TTBK1: variants seen among roughly 807,000 people sequenced by gnomAD.
The protein encoded by TTBK1 is tau tubulin kinase 1.
A neutral mutation model predicts 108.5 loss-of-function variants in TTBK1; 34 were observed. The ratio of observed to expected loss-of-function variants is 0.31; its 90% CI spans 0.24 to 0.42. TTBK1 has a LOEUF of 0.42. Among genes scored for constraint, TTBK1 ranks in the 10% least tolerant of loss-of-function variants. The pLI, the probability that TTBK1 is intolerant of heterozygous loss-of-function variation, is 1.00. For missense variants in TTBK1, 1,539 were observed against 1,826.0 expected, an observed-to-expected ratio of 0.84 and a Z score of 2.86; for synonymous variants, 809 against 795.1, an observed-to-expected ratio of 1.02 and a Z score of -0.29.
rs781511979 is a variant in TTBK1, at chr6:43,254,528, C to T, written c.472-19C>T. On this transcript the variant is annotated intron_variant, in intron 5 of 14. Coordinates refer to ENST00000259750, the MANE Select transcript of TTBK1 (RefSeq NM_032538.3). ...CTGGGGTTGGGGCCCCCAGAGCTCA[C>T]AGCTGCTGTCTCCCCCAGTCAAACT... 1 of 1,554,366 alleles carries T rather than the reference C, an allele frequency of 6.4e-7. No homozygotes were observed. Among genetic ancestry groups the T allele is most frequent in the Non-Finnish European group, 8.7e-7 (1 of 1,153,274 alleles).
At position 43,283,459 on chromosome 6, in the gene TTBK1, G is replaced by A. The variant is rs781782398; in HGVS notation, c.2719G>A (p.Gly907Arg). The change falls in exon 14 of 15, where the codon GGG (glycine) becomes AGG (arginine). Residue 907 changes from glycine to arginine, a missense_variant. Physicochemically the swap from Gly to Arg is moderately radical, Grantham distance 125. Around this residue, in one of 5 missense-constraint regions of TTBK1, gnomAD observed 1,055 missense variants for 1,086.5 expected, o/e 0.97. Coordinates refer to ENST00000259750, the MANE Select transcript of TTBK1 (RefSeq NM_032538.3). The surrounding 1 kb of genome is among the most constrained non-coding windows in gnomAD (Gnocchi z 8.1). ...GGGGCCTGGGGCAGGGCTGGGGGCC[G>A]GGACAGTGACCACAGGGGTCGGGGG... is the stretch of plus-strand genomic sequence containing the variant. ...PPGPGAGLGAGTVTTGVGGVA... is the reference protein window; with the variant it reads ...PPGPGAGLGARTVTTGVGGVA... 19 of 1,613,974 alleles carry A rather than the reference G, an allele frequency of 1.2e-5. No individual in the cohort carries two copies. The highest frequency in any genetic ancestry group is 3.3e-5 in the Admixed American group (2 of 60,028).
chr6:43,247,078 G>A (rs1216510020), intron 2 of TTBK1, among the ~76,000 whole-genome samples: 1 of 152,072 alleles, frequency 6.6e-6, no homozygotes, highest in African/African-American at 2.4e-5. Context: ...TGGCGGAGGA[G>A]GAAGAGGGGT....
chr6:43,284,416 G>A, intron 14 of TTBK1, 104 bp downstream of exon 14: 2 of 1,431,420 alleles, frequency 1.4e-6, no homozygotes, highest in Non-Finnish European at 1.8e-6. Context: ...AAGATCAGGA[G>A]GGACCCTCAG....
rs79036279 is a variant in TTBK1 at position 43,253,187 on chromosome 6, G to A, written c.257-104G>A. On this transcript the variant is annotated intron_variant, in intron 3 of 14. Coordinates refer to ENST00000259750, the MANE Select transcript of TTBK1 (RefSeq NM_032538.3). This position sits in a 1 kb window ranked among gnomAD's most constrained non-coding sequence, Gnocchi z 5.8. ...GGCAAGACAGGTGCTCACAGGGCCA[G>A]CACTGGAGGGACCAGGAATCAAGAG... is the stretch of plus-strand genomic sequence containing the variant. The A allele has an allele frequency of 2.3e-6, 3 of 1,280,208 alleles. No individual in the cohort carries two copies. The highest frequency in any genetic ancestry group is 2.4e-5 in the South Asian group (2 of 83,972). 79.3% of individuals were successfully genotyped at this position (1,280,208 alleles called of 1,614,324 possible). A position where few individuals can be genotyped will look rare whatever the true frequency, so the allele number is the denominator to read the frequency against.
chr6:43,271,251 C>CT (rs2150703882), intron 13 of TTBK1: 3 of 985,496 alleles, frequency 3.0e-6, no homozygotes, highest in Non-Finnish European at 3.6e-6. Flanking sequence ...TGTATGTTTG[C>CT]TTGTGTGCAT....
rs1777366451 is a variant in TTBK1, at chr6:43,255,838, C to T, written c.843C>T (p.Phe281=). ...FLDHIASLDY[F]TKPDYQLIMS... is the part of the protein sequence containing the mutation. ...ACCACATTGCCAGCCTCGACTACTTCACCAAGCCCGACTACCAGGTGGGAG... is the reference window on the plus strand; with the variant it reads ...ACCACATTGCCAGCCTCGACTACTTTACCAAGCCCGACTACCAGGTGGGAG... The change falls in exon 9 of 15, where the codon TTC becomes TTT. Residue 281 remains phenylalanine, a synonymous_variant. Coordinates refer to ENST00000259750, the MANE Select transcript of TTBK1 (RefSeq NM_032538.3). 1.2e-6 allele frequency: 2 copies of T among 1,614,164 alleles called. No homozygotes were observed. Among genetic ancestry groups the T allele is most frequent in the Non-Finnish European group, 8.5e-7 (1 of 1,180,026 alleles).
chr6:43,258,337 C>T (rs1455401399), intron 10 of TTBK1, among the ~76,000 whole-genome samples: 1 of 152,158 alleles, frequency 6.6e-6, no homozygotes, highest in Non-Finnish European at 1.5e-5. Flanking sequence ...TCAGCTGAGT[C>T]TGGGATGTTT....
Position 43,265,978 on chromosome 6 carries a change from GGA to G in TTBK1, c.1986+2637_1986+2638del, listed in dbSNP as rs1582498662. On this transcript the variant is annotated intron_variant, in intron 13 of 14. Transcript: ENST00000259750. The surrounding 1 kb of genome is among the most constrained non-coding windows in gnomAD (Gnocchi z 4.1). ...TGGGGAATTCTGGCCAAGCGGGTGG[GGA>G]GAGAGAGATTTGGTGGGGTGGGGAA... 6.6e-6 allele frequency among the ~76,000 whole-genome samples: 1 copy of G among 152,160 alleles called. No homozygotes were observed. Among genetic ancestry groups the G allele is most frequent in the Non-Finnish European group, 1.5e-5 (1 of 68,020 alleles).
Position 43,259,518 on chromosome 6 carries a change from C to A in TTBK1, c.1249-13C>A. The stretch of plus-strand genomic sequence containing the variant: ...TCATCAGCCCCAGCTCATGGCACTC[C>A]CCTCTCCTGCAGAGCCCCTGTGTGG... On this transcript the variant is annotated splice_polypyrimidine_tract_variant and intron_variant, in intron 11 of 14. Coordinates refer to ENST00000259750, the MANE Select transcript of TTBK1 (RefSeq NM_032538.3). The surrounding 1 kb of genome is among the most constrained non-coding windows in gnomAD (Gnocchi z 6.7). The A allele has an allele frequency of 1.3e-6, 2 of 1,554,414 alleles. No homozygotes were observed. The highest frequency in any genetic ancestry group is 1.2e-5 in the South Asian group (1 of 80,378).
chr6:43,259,840 C>A lies in TTBK1; in HGVS notation c.1424+134C>A. 1 of 948,290 alleles carries A rather than the reference C, an allele frequency of 1.1e-6. No homozygotes were observed. The highest frequency in any genetic ancestry group is 2.0e-5 in the South Asian group (1 of 50,278). 58.7% of individuals were successfully genotyped at this position (948,290 alleles called of 1,614,324 possible). On this transcript the variant is annotated intron_variant, in intron 12 of 14. Transcript: ENST00000259750. This position sits in a 1 kb window ranked among gnomAD's most constrained non-coding sequence, Gnocchi z 6.7. Reference sequence around the variant, plus strand: ...AGTGCTGAGAGGGTTATACTTGGGCCTGGGGTCAGACTCAGTTGGGGCCAG... The same window carrying A: ...AGTGCTGAGAGGGTTATACTTGGGCATGGGGTCAGACTCAGTTGGGGCCAG...
At chr6:43,284,344 A>C in intron 14 of TTBK1, 32 bp downstream of exon 14, 1 of 1,526,270 alleles carries the variant, frequency 6.6e-7, no homozygotes, top group Non-Finnish European at 8.8e-7. Context: ...CAGGGTGGGC[A>C]GAGGGTGGCC....
rs35194954 is a variant in TTBK1 at position 43,256,141 on chromosome 6, C to CT, written c.861+298dup. 1.7e-3 allele frequency among the ~76,000 whole-genome samples: 246 copies of CT among 145,252 alleles called. 1 individual carries two copies. The highest frequency in any genetic ancestry group is 0.012 in the East Asian group (58 of 4,892). ...TGCTCCTTATATTATTATTCCAGCTCTTTTTTTTTTTTTAGACATAATCTT... is the reference window on the plus strand; with the variant it reads ...TGCTCCTTATATTATTATTCCAGCTCTTTTTTTTTTTTTTAGACATAATCTT... On this transcript the variant is annotated intron_variant, in intron 9 of 14. Coordinates refer to ENST00000259750, the MANE Select transcript of TTBK1 (RefSeq NM_032538.3).
Position 43,263,453 on chromosome 6 carries a change from C to T in TTBK1, c.1986+103C>T. ...GTGCTGGCACTACTGACCAGTAAGC[C>T]AGCAGTCACAGGGCTGTGATGGAGG... On this transcript the variant is annotated intron_variant, in intron 13 of 14. Transcript: ENST00000259750. The surrounding 1 kb of genome is among the most constrained non-coding windows in gnomAD (Gnocchi z 4.7). 2 of 1,126,250 alleles carry T rather than the reference C, an allele frequency of 1.8e-6. No individual in the cohort carries two copies. The highest frequency in any genetic ancestry group is 2.4e-6 in the Non-Finnish European group (2 of 834,706). 69.8% of individuals were successfully genotyped at this position (1,126,250 alleles called of 1,614,324 possible).
rs868263949 is a variant in TTBK1 at position 43,271,538 on chromosome 6, C to G, written c.1986+8188C>G. 9 of 985,364 alleles carry G rather than the reference C, an allele frequency of 9.1e-6. No homozygotes were observed. In the South Asian group the frequency reaches 1.9e-4, roughly 21 times the overall value. The allele number at this position is 985,364 out of a possible 1,614,324, so 61.0% of individuals were successfully genotyped here. A position where few individuals can be genotyped will look rare whatever the true frequency, so the allele number is the denominator to read the frequency against. On this transcript the variant is annotated intron_variant, in intron 13 of 14. Coordinates refer to ENST00000259750, the MANE Select transcript of TTBK1 (RefSeq NM_032538.3). The stretch of plus-strand genomic sequence containing the variant: ...GCTTCACTCTTCTACCCCTCTCTCC[C>G]TGTAACCTCTGCTTGGCCCATCAAT...
intron 13 of TTBK1, among the ~76,000 whole-genome samples, chr6:43,274,241 C>T (rs1777905910): frequency 6.6e-6 from 1 of 152,174 alleles, no homozygotes; most frequent in Non-Finnish European, 1.5e-5. Flanking sequence ...CAACGATATC[C>T]CTTTGCATTT....
At chr6:43,251,035 TC>T (rs1197333170) in intron 2 of TTBK1, among the ~76,000 whole-genome samples, 3 of 152,222 alleles carry the variant, frequency 2.0e-5, no homozygotes, top group Non-Finnish European at 4.4e-5. Flanking sequence ...TCACTGTTCT[TC>T]CTCCTTCCTC....
intron 13 of TTBK1, chr6:43,272,593 A>C (rs1429846364): frequency 1.0e-6 from 1 of 985,134 alleles, no homozygotes; most frequent in East Asian, 1.1e-4. Context: ...TGGAGGGGAG[A>C]GTGTTTTGTA....
chr6:43,270,769 C>T (rs773403811), intron 13 of TTBK1: 98 of 985,388 alleles, frequency 9.9e-5, no homozygotes, highest in Middle Eastern at 5.2e-4. Flanking sequence ...AACTGAGCAA[C>T]GAGGAGACCC....
intron 13 of TTBK1, among the ~76,000 whole-genome samples, chr6:43,267,298 C>A (rs1344665844): frequency 6.6e-6 from 1 of 152,146 alleles, no homozygotes; most frequent in Non-Finnish European, 1.5e-5. Context: ...TGAGCCCAGC[C>A]TGGGCCTATG....
Sources: gnomAD v4.1 joint callset for allele counts (sites outside exome capture counted in the v4.1 genomes callset) on GRCh38, gnomAD v4.1.1 for gene constraint, gnomAD v4.1.1 regional missense constraint, Gnocchi (gnomAD v3.1) non-coding constraint, MANE v1.5 for transcripts, NCBI Gene and HGNC (gene_info 2026-07-23, HGNC 2026-07-21) for gene names.